KIAA0319: variants seen among roughly 807,000 people sequenced by gnomAD.
The protein encoded by KIAA0319 is dyslexia-associated protein KIAA0319.
A neutral mutation model predicts 108.4 loss-of-function variants in KIAA0319; 83 were observed. The ratio of observed to expected loss-of-function variants is 0.77; its 90% CI spans 0.64 to 0.92. The LOEUF (loss-of-function observed/expected upper bound fraction) is 0.92. Ranked by LOEUF, KIAA0319 falls within the 40% of genes least tolerant of loss-of-function variation. The pLI, the probability that KIAA0319 is intolerant of heterozygous loss-of-function variation, is 0.00. For synonymous variants in KIAA0319, 484 were observed against 510.4 expected (o/e 0.95, Z 0.70); for missense variants, 1,195 against 1,322.4 (o/e 0.90, Z 1.49).
chr6:24,561,569 G>T (rs1581930518), intron 16 of KIAA0319, among the ~76,000 whole-genome samples: 1 of 152,066 alleles, frequency 6.6e-6, no homozygotes, highest in Non-Finnish European at 1.5e-5. Flanking sequence ...ATTTTTTGGA[G>T]ACTGGGTCTC....
rs141476331 is a variant in KIAA0319 at position 24,587,300 on chromosome 6, G to C, written c.994+1293C>G. ...TTTTCCTTTTTTTTTGGTTTGAGAC[G>C]GAATCTCACTCTGTCGCCCAGGCTG... is the stretch of plus-strand genomic sequence containing the variant. On this transcript the variant is annotated intron_variant, in intron 4 of 20. Coordinates refer to ENST00000378214, the MANE Select transcript of KIAA0319 (RefSeq NM_014809.4). Among the ~76,000 whole-genome samples, 452 of 151,382 alleles carry C rather than the reference G, an allele frequency of 3.0e-3. 2 individuals are homozygous for C. Among genetic ancestry groups the C allele is most frequent in the African/African-American group, 0.011 (435 of 41,200 alleles).
At position 24,596,023 on chromosome 6, in the gene KIAA0319, G is replaced by A. The variant is rs1769495456; in HGVS notation, c.651C>T (p.Tyr217=). The change falls in exon 3 of 21, where the codon TAC becomes TAT. Residue 217 remains tyrosine (Y), a synonymous_variant. Transcript: ENST00000378214. ...CAGGGGTTGAAGCCGACTCATTCAG[G>A]TAATGGAGCTCAGGGTCCTGCTGCG... ...AETQQDPELH[Y]LNESASTPAP... 2 of 1,614,180 alleles carry A rather than the reference G, an allele frequency of 1.2e-6. No individual in the cohort carries two copies. The highest frequency in any genetic ancestry group is 1.1e-5 in the South Asian group (1 of 91,078).
chr6:24,552,230 T>C (rs949210312), intron 19 of KIAA0319, among the ~76,000 whole-genome samples: 1 of 152,222 alleles, frequency 6.6e-6, no homozygotes, highest in African/African-American at 2.4e-5. Flanking sequence ...AGAAAATTAA[T>C]TGAGACTTTT....
At chr6:24,630,969 G>C (rs1464830708) in intron 1 of KIAA0319, among the ~76,000 whole-genome samples, 1 of 152,198 alleles carries the variant, frequency 6.6e-6, no homozygotes. Context: ...ACAGCCCAAA[G>C]AGGGCCTCTT....
Position 24,610,701 on chromosome 6 carries a change from G to A in KIAA0319, c.-105-9493C>T, listed in dbSNP as rs546870848. On this transcript the variant is annotated intron_variant, in intron 1 of 20. Transcript: ENST00000378214. ...TTTGGGAGGCTGAGCGGGGAGGATC[G>A]CTTGAGCCCACGAGTTTGTGACAAG... 2.8e-4 allele frequency among the ~76,000 whole-genome samples: 43 copies of A among 152,000 alleles called. 1 individual carries two copies. In the South Asian group the frequency reaches 7.1e-3, roughly 25 times the overall value.
chr6:24,578,050 T>G, intron 9 of KIAA0319, 60 bp downstream of exon 9: 1 of 1,519,274 alleles, frequency 6.6e-7, no homozygotes. Flanking sequence ...GTGCGTTAAT[T>G]TAAAGAAACA....
chr6:24,607,226 C>T (rs1162658613), intron 1 of KIAA0319, among the ~76,000 whole-genome samples: 1 of 152,178 alleles, frequency 6.6e-6, no homozygotes, highest in African/African-American at 2.4e-5. Flanking sequence ...CATGGTGGCA[C>T]ATGCCTGTAA....
rs1472154248 is a variant in KIAA0319 at position 24,629,523 on chromosome 6, A to AAAAAAAAAAAAAG, written c.-106+16212_-106+16213insCTTTTTTTTTTTT. ...GAGTGAGACTCTGTCTCAAAAAAAA[A>AAAAAAAAAAAAAG]AAAAAAAAGAAAGAAAACTCAGAAT... On this transcript the variant is annotated intron_variant, in intron 1 of 20. Transcript: ENST00000378214. 2.4e-3 allele frequency among the ~76,000 whole-genome samples: 361 copies of AAAAAAAAAAAAAG among 147,802 alleles called. 9 individuals carry two copies. Among genetic ancestry groups the AAAAAAAAAAAAAG allele is most frequent in the Non-Finnish European group, 4.0e-3 (269 of 66,678 alleles).
Position 24,545,587 on chromosome 6 carries a change from T to A in KIAA0319, c.*1578A>T. ...TAGACAGTATTGAATTGGCTAGTTATACAGAAAGTGTAGGCATAAGCAAAG... is the reference window on the plus strand; with the variant it reads ...TAGACAGTATTGAATTGGCTAGTTAAACAGAAAGTGTAGGCATAAGCAAAG... On this transcript the variant is annotated 3_prime_UTR_variant, in exon 21 of 21. Transcript: ENST00000378214. 6.6e-6 allele frequency: 1 copy of A among 152,176 alleles called. No homozygotes were observed. Among genetic ancestry groups the A allele is most frequent in the East Asian group, 1.9e-4 (1 of 5,196 alleles). The allele number at this position is 152,176 out of a possible 1,614,324, so 9.4% of individuals were successfully genotyped here. A position where few individuals can be genotyped will look rare whatever the true frequency, so the allele number is the denominator to read the frequency against.
intron 1 of KIAA0319, among the ~76,000 whole-genome samples, chr6:24,634,838 C>T (rs1775993627): frequency 6.6e-6 from 1 of 152,100 alleles, no homozygotes; most frequent in Admixed American, 6.5e-5. Context: ...GTGGTCTGTG[C>T]CTTTCTCCGA....
intron 17 of KIAA0319, among the ~76,000 whole-genome samples, chr6:24,557,700 T>C (rs746869965): frequency 6.6e-6 from 1 of 152,014 alleles, no homozygotes; most frequent in Non-Finnish European, 1.5e-5. Context: ...TAGAATACTA[T>C]GTGGCCATAA....
At chr6:24,602,405 G>C (rs1223801230) in intron 1 of KIAA0319, among the ~76,000 whole-genome samples, 2 of 80,150 alleles carry the variant, frequency 2.5e-5, no homozygotes. Context: ...TGCCAGGCCG[G>C]AAGTGGATGG....
At chr6:24,576,034 A>G (rs1297763511) in intron 10 of KIAA0319, among the ~76,000 whole-genome samples, 1 of 152,248 alleles carries the variant, frequency 6.6e-6, no homozygotes, top group Non-Finnish European at 1.5e-5. Flanking sequence ...AAAAATTCTG[A>G]TAATCAGGTT....
intron 2 of KIAA0319, chr6:24,598,523 T>G (rs556046235): frequency 2.2e-6 from 1 of 455,156 alleles, no homozygotes; most frequent in East Asian, 5.1e-5. Flanking sequence ...GAGGCCGAGT[T>G]TGGCAACACA....
At chr6:24,621,317 T>G (rs549567001) in intron 1 of KIAA0319, among the ~76,000 whole-genome samples, 1 of 152,342 alleles carries the variant, frequency 6.6e-6, no homozygotes, top group East Asian at 1.9e-4. Flanking sequence ...ACACTCACTT[T>G]ATTATTGAAG....
At chr6:24,570,585 TA>T (rs35209953) in intron 11 of KIAA0319, among the ~76,000 whole-genome samples, 25 of 138,146 alleles carry the variant, frequency 1.8e-4, no homozygotes, top group African/African-American at 3.5e-4. Context: ...AAGATCCGTC[TA>T]AAAAAAAAAA....
rs540672178 is a variant in KIAA0319 at position 24,639,161 on chromosome 6, T to C, written c.-106+6575A>G. ...TTGATGAAAGAAAAAAAAATCCTTA[T>C]ATCCAGAGAGTACAAGAAGTTCTGA... On this transcript the variant is annotated intron_variant, in intron 1 of 20. Coordinates refer to ENST00000378214, the MANE Select transcript of KIAA0319 (RefSeq NM_014809.4). Among the ~76,000 whole-genome samples, 87 of 152,346 alleles carry C rather than the reference T, an allele frequency of 5.7e-4. 1 individual carries two copies. The highest frequency in any genetic ancestry group is 7.6e-4 in the Non-Finnish European group (52 of 68,032).
intron 1 of KIAA0319, among the ~76,000 whole-genome samples, chr6:24,623,154 A>G (rs1774208145): frequency 6.6e-6 from 1 of 152,214 alleles, no homozygotes; most frequent in Admixed American, 6.5e-5. Context: ...CACCTGTTCT[A>G]CGTGGCTGAA....
chr6:24,616,118 T>C (rs1391967974), intron 1 of KIAA0319, among the ~76,000 whole-genome samples: 1 of 152,238 alleles, frequency 6.6e-6, no homozygotes, highest in Admixed American at 6.5e-5. Flanking sequence ...AAAGACTCTG[T>C]TGTATGTTGT....
Sources: gnomAD v4.1 joint callset for allele counts (sites outside exome capture counted in the v4.1 genomes callset) on GRCh38, gnomAD v4.1.1 for gene constraint, MANE v1.5 for transcripts, NCBI Gene and HGNC (gene_info 2026-07-23, HGNC 2026-07-21) for gene names.